The following KLK5 variants were observed in gnomAD, a reference collection of about 807,000 sequenced individuals.
KLK5 encodes the protein kallikrein related peptidase 5, also known as kallikrein-5.
Under a neutral mutation model 24.0 loss-of-function variants are expected in KLK5, and 18 were observed. That is an observed-to-expected ratio of 0.75 (90% CI 0.52 to 1.11). The LOEUF (loss-of-function observed/expected upper bound fraction) is 1.11. Ranked by LOEUF, KLK5 falls within the 50% of genes most tolerant of loss-of-function variation. The pLI, the probability that KLK5 is intolerant of heterozygous loss-of-function variation, is 0.00. For missense variants in KLK5, 374 were observed against 379.2 expected, an observed-to-expected ratio of 0.99 and a Z score of 0.11; for synonymous variants, 140 against 154.0, an observed-to-expected ratio of 0.91 and a Z score of 0.67.
chr19:50,950,122 A>C lies in KLK5; in HGVS notation c.74-6T>G, dbSNP rs1240581371. 1 of 1,609,164 alleles carries C rather than the reference A, an allele frequency of 6.2e-7. No individual in the cohort carries two copies. Among genetic ancestry groups the C allele is most frequent in the African/African-American group, 1.3e-5 (1 of 74,790 alleles). ...ATTGTTGGCGAGAACATGCTCTGGG[A>C]ACGGAAAATGGGTTGGGCGGGGCTC... On this transcript the variant is annotated splice_polypyrimidine_tract_variant and splice_region_variant and intron_variant, in intron 2 of 5. Coordinates refer to ENST00000336334, the MANE Select transcript of KLK5 (RefSeq NM_012427.5).
intron 5 of KLK5, among the ~76,000 whole-genome samples, chr19:50,944,581 C>T (rs895267021): frequency 2.6e-5 from 4 of 152,176 alleles, no homozygotes; most frequent in Non-Finnish European, 5.9e-5. Flanking sequence ...CCTTATACCT[C>T]CCTTCTGCAA....
rs1167811041 is a variant in KLK5, at chr19:50,947,238, C to T, written c.726+1402G>A. ...CAAGAAATACTTGCAGAGCATTCGC[C>T]CCTGCCTACACCTCCAGCGTCACTT... On this transcript the variant is annotated intron_variant, in intron 5 of 5. Transcript: ENST00000336334. This position sits in a 1 kb window ranked among gnomAD's most constrained non-coding sequence, Gnocchi z 8.7. Among the ~76,000 whole-genome samples the T allele has an allele frequency of 1.3e-5, 2 of 152,194 alleles. No individual in the cohort carries two copies. The highest frequency in any genetic ancestry group is 4.8e-5 in the African/African-American group (2 of 41,452).
At chr19:50,946,838 T>C (rs553699357) in intron 5 of KLK5, among the ~76,000 whole-genome samples, 20 of 152,074 alleles carry the variant, frequency 1.3e-4, no homozygotes, top group East Asian at 7.8e-4. Context: ...GGATTACAGG[T>C]GTGAGCCACC....
Position 50,952,969 on chromosome 19 carries a change from G to A in KLK5, c.-234C>T, listed in dbSNP as rs146604153. On this transcript the variant is annotated 5_prime_UTR_variant, in exon 1 of 6. Coordinates refer to ENST00000336334, the MANE Select transcript of KLK5 (RefSeq NM_012427.5). ...ACTTGCCCTGTCCCCCAGGTAGGGG[G>A]TGGGGGATTTGCTCCCAGCTCAGCC... 1.1e-3 allele frequency: 286 copies of A among 254,260 alleles called. No homozygotes were observed. The highest frequency in any genetic ancestry group is 5.8e-3 in the African/African-American group (263 of 45,064). 15.8% of individuals were successfully genotyped at this position (254,260 alleles called of 1,614,324 possible).
In KLK5 at chr19:50,949,025, G is replaced by A; in HGVS notation, c.426C>T (p.His142=). The A allele has an allele frequency of 6.2e-7, 1 of 1,613,912 alleles. No homozygotes were observed. Among genetic ancestry groups the A allele is most frequent in the Non-Finnish European group, 8.5e-7 (1 of 1,179,960 alleles). The change falls in exon 4 of 6, where the codon CAC becomes CAT. Residue 142 remains histidine (H), a synonymous_variant. Coordinates refer to ENST00000336334, the MANE Select transcript of KLK5 (RefSeq NM_012427.5). ...QMFQGVKSIP[H]PGYSHPGHSN... ...AGTGGCCAGGGTGGGAGTAGCCAGG[G>A]TGGGGGATGGATTTGACCCCCTGGA...
At chr19:50,950,438 C>T (rs1352931464) in intron 2 of KLK5, 4 of 411,394 alleles carry the variant, frequency 9.7e-6, no homozygotes. Flanking sequence ...GGGCTGGAGC[C>T]TGGGGATGGG....
rs886304411 is a variant in KLK5 at position 50,950,732 on chromosome 19, A to T, written c.74-616T>A. 3.3e-5 allele frequency among the ~76,000 whole-genome samples: 5 copies of T among 152,238 alleles called. No individual in the cohort carries two copies. In the East Asian group the frequency reaches 9.7e-4, roughly 29 times the overall value. ...CAAGGTGAAACCCTGTCTCTACTAA[A>T]GACACAAAAATTAGCCAGGCGTGGT... On this transcript the variant is annotated intron_variant, in intron 2 of 5. Transcript: ENST00000336334.
In KLK5 at chr19:50,947,134, T is replaced by TG. The variant is rs889509649; in HGVS notation, c.726+1505_726+1506insC. Among the ~76,000 whole-genome samples, 2 of 152,182 alleles carry TG rather than the reference T, an allele frequency of 1.3e-5. No individual in the cohort carries two copies. The highest frequency in any genetic ancestry group is 2.9e-5 in the Non-Finnish European group (2 of 68,028). ...ATACAGAGAAGGGTGCTGGTTGATG[T>TG]AACAGTTTGATTTTAAATTCTGTCT... On this transcript the variant is annotated intron_variant, in intron 5 of 5. Coordinates refer to ENST00000336334, the MANE Select transcript of KLK5 (RefSeq NM_012427.5). This position sits in a 1 kb window ranked among gnomAD's most constrained non-coding sequence, Gnocchi z 8.7.
chr19:50,950,402 G>T, intron 2 of KLK5: 1 of 481,470 alleles, frequency 2.1e-6, no homozygotes, highest in East Asian at 3.9e-5. Context: ...TCCTGGACAA[G>T]CTCAGGGGTA....
At chr19:50,952,156 C>T (rs979053830) in intron 2 of KLK5, among the ~76,000 whole-genome samples, 2 of 54,874 alleles carry the variant, frequency 3.6e-5, no homozygotes, top group East Asian at 1.9e-3. Flanking sequence ...TTTTGTTGCA[C>T]GCAATCCCGG....
At chr19:50,951,167 C>T (rs2090684331) in intron 2 of KLK5, among the ~76,000 whole-genome samples, 1 of 152,110 alleles carries the variant, frequency 6.6e-6, no homozygotes, top group Non-Finnish European at 1.5e-5. Flanking sequence ...CATGCCTTCT[C>T]AATCCTGTCA....
Position 50,943,587 on chromosome 19 carries a change from C to A in KLK5, c.*44G>T. 1 of 1,577,714 alleles carries A rather than the reference C, an allele frequency of 6.3e-7. No individual in the cohort carries two copies. Among genetic ancestry groups the A allele is most frequent in the Admixed American group, 1.7e-5 (1 of 59,312 alleles). ...GTCTGAAAGGAGTGTCAGGGCTGTCCCTGCAGCAGGTGGGGATGCCGGTGT... is the reference window on the plus strand; with the variant it reads ...GTCTGAAAGGAGTGTCAGGGCTGTCACTGCAGCAGGTGGGGATGCCGGTGT... On this transcript the variant is annotated 3_prime_UTR_variant, in exon 6 of 6. Coordinates refer to ENST00000336334, the MANE Select transcript of KLK5 (RefSeq NM_012427.5).
chr19:50,948,514 T>C, intron 5 of KLK5, 126 bp downstream of exon 5: 1 of 875,886 alleles, frequency 1.1e-6, no homozygotes, highest in East Asian at 2.6e-5. Context: ...CTCTAGGGTA[T>C]GAGCTCTGTG....
At chr19:50,944,333 GT>G (rs1444685153) in intron 5 of KLK5, among the ~76,000 whole-genome samples, 1 of 151,992 alleles carries the variant, frequency 6.6e-6, no homozygotes, top group Non-Finnish European at 1.5e-5. Context: ...GACCCCATTT[GT>G]CACTCTCCAC....
At position 50,948,940 on chromosome 19, in the gene KLK5, G is replaced by A; in HGVS notation, c.511C>T (p.Pro171Ser). The change falls in exon 4 of 6, where the codon CCC (proline) becomes TCC (serine). Residue 171 changes from proline to serine, a missense_variant. Pro to Ser is a moderately conservative substitution (Grantham distance 74). Coordinates refer to ENST00000336334, the MANE Select transcript of KLK5 (RefSeq NM_012427.5). ...GGACAATGAGAGGAGACGTTGATGG[G>A]TCTGACATCTTTAGTGGGACGAATT... is the stretch of plus-strand genomic sequence containing the variant. ...RRIRPTKDVR[P>S]INVSSHCPSA... The A allele has an allele frequency of 2.5e-6, 4 of 1,613,998 alleles. No individual in the cohort carries two copies. In the South Asian group the frequency reaches 3.3e-5, roughly 13 times the overall value.
Position 50,950,056 on chromosome 19 carries a change from C to T in KLK5, c.134G>A (p.Gly45Glu). ...CDHPSNTVPSGSNQDLGAGAG... is the reference protein window; with the variant it reads ...CDHPSNTVPSESNQDLGAGAG... ...CCCAGCTCCCAGGTCCTGGTTGCTC[C>T]CAGAGGGCACGGTGTTAGAGGGGTG... Residue 45 changes from glycine to glutamate, a missense_variant, in exon 3 of 6, where the codon GGG becomes GAG. By Grantham distance (98) the Gly-to-Glu change is moderately conservative. Coordinates refer to ENST00000336334, the MANE Select transcript of KLK5 (RefSeq NM_012427.5). 6.2e-7 allele frequency: 1 copy of T among 1,613,720 alleles called. No individual in the cohort carries two copies. The highest frequency in any genetic ancestry group is 8.5e-7 in the Non-Finnish European group (1 of 1,179,928).
chr19:50,945,060 C>CT (rs1188610996), intron 5 of KLK5, among the ~76,000 whole-genome samples: 1 of 132,936 alleles, frequency 7.5e-6, no homozygotes, highest in East Asian at 2.2e-4. Flanking sequence ...TCCTTTCTTT[C>CT]TCCTTCCTTC....
chr19:50,943,392 G>A lies in KLK5; in HGVS notation c.*239C>T. The A allele has an allele frequency of 2.3e-6, 1 of 436,724 alleles. No individual in the cohort carries two copies. Among genetic ancestry groups the A allele is most frequent in the Admixed American group, 3.7e-5 (1 of 26,818 alleles). The allele number at this position is 436,724 out of a possible 1,614,324, so 27.1% of individuals were successfully genotyped here. ...TGAGCTTGAGGATGAAAGTGCCCCA[G>A]GGAGATTGAGACGCAACCCCCGCCC... On this transcript the variant is annotated 3_prime_UTR_variant, in exon 6 of 6. Coordinates refer to ENST00000336334, the MANE Select transcript of KLK5 (RefSeq NM_012427.5).
chr19:50,945,629 CGG>C, intron 5 of KLK5, among the ~76,000 whole-genome samples: 1 of 120,668 alleles, frequency 8.3e-6, no homozygotes, highest in Non-Finnish European at 1.7e-5. Context: ...CCCATCTCTA[CGG>C]AAAAAAAAAA....
Sources: allele counts gnomAD v4.1 joint callset (sites outside exome capture counted in the v4.1 genomes callset), GRCh38; gene constraint gnomAD v4.1.1; non-coding constraint Gnocchi (gnomAD v3.1); transcripts MANE v1.5; gene names NCBI Gene and HGNC (gene_info 2026-07-23, HGNC 2026-07-21).